Variants in SNX29 observed in about 807,000 individuals in gnomAD.
SNX29 encodes the protein sorting nexin-29.
Under a neutral mutation model 102.1 loss-of-function variants are expected in SNX29, and 78 were observed. The observed-to-expected ratio is 0.76, with a 90% CI of 0.64 to 0.92. The LOEUF is 0.92. Ranked by LOEUF, SNX29 falls within the 40% of genes least tolerant of loss-of-function variation. The pLI is 0.00. For synonymous variants in SNX29, 580 were observed against 414.5 expected, an observed-to-expected ratio of 1.40 and a Z score of -4.85; for missense variants, 1,280 against 1,061.7, an observed-to-expected ratio of 1.21 and a Z score of -2.86.
intron 14 of SNX29, among the ~76,000 whole-genome samples, chr16:12,230,639 G>C (rs1390380616): frequency 6.6e-6 from 1 of 152,228 alleles, no homozygotes; most frequent in Non-Finnish European, 1.5e-5. Context: ...CGAATGAGCA[G>C]ATGGTAGGCC....
At chr16:12,067,496 T>C (rs750975645) in intron 9 of SNX29, among the ~76,000 whole-genome samples, 1 of 152,162 alleles carries the variant, frequency 6.6e-6, no homozygotes, top group Non-Finnish European at 1.5e-5. Context: ...CTTTTTCTTT[T>C]TCTCTTTTTG....
At chr16:12,140,336 C>G (rs114996442) in intron 13 of SNX29, among the ~76,000 whole-genome samples, 2 of 152,194 alleles carry the variant, frequency 1.3e-5, no homozygotes, top group African/African-American at 4.8e-5. Context: ...TCCAGTAGCT[C>G]TGGAGAAGTC....
rs545232034 is a variant in SNX29, at chr16:12,559,951, C to T, written c.2319-8555C>T. ...TCGAGATTACATCACTGCACTCCAG[C>T]CTGGGCAACAGAGCAAGACTCCACC... On this transcript the variant is annotated intron_variant, in intron 20 of 20. Transcript: ENST00000566228. 7.9e-5 allele frequency among the ~76,000 whole-genome samples: 12 copies of T among 152,218 alleles called. No homozygotes were observed. The South Asian group carries it at 2.5e-3, about 32-fold the overall frequency.
At chr16:12,320,512 C>T (rs1396369790) in intron 15 of SNX29, among the ~76,000 whole-genome samples, 1 of 152,204 alleles carries the variant, frequency 6.6e-6, no homozygotes, top group Non-Finnish European at 1.5e-5. Flanking sequence ...AACCGTGACA[C>T]GTTACTGGTG....
intron 13 of SNX29, among the ~76,000 whole-genome samples, chr16:12,171,951 G>T (rs892885692): frequency 6.6e-6 from 1 of 152,146 alleles, no homozygotes; most frequent in Non-Finnish European, 1.5e-5. Context: ...AGCCTCACAG[G>T]ACATTGACGA....
chr16:12,536,865 A>G (rs937930277), intron 20 of SNX29, among the ~76,000 whole-genome samples: 2 of 152,170 alleles, frequency 1.3e-5, no homozygotes, highest in African/African-American at 2.4e-5. Context: ...AATTGTAGCT[A>G]CTTGGGAGGC....
chr16:12,422,510 C>G (rs780686465), intron 18 of SNX29, among the ~76,000 whole-genome samples: 2 of 152,248 alleles, frequency 1.3e-5, no homozygotes, highest in Non-Finnish European at 2.9e-5. Flanking sequence ...TTGTTTCCCT[C>G]TCAGCTTCTT....
At chr16:12,464,547 G>A (rs2086965325) in intron 18 of SNX29, among the ~76,000 whole-genome samples, 1 of 152,060 alleles carries the variant, frequency 6.6e-6, no homozygotes, top group Admixed American at 6.5e-5. Context: ...TCCACCTCCT[G>A]GGCTCAAGCG....
intron 19 of SNX29, among the ~76,000 whole-genome samples, chr16:12,513,668 T>C (rs557537068): frequency 6.6e-6 from 1 of 152,294 alleles, no homozygotes; most frequent in Admixed American, 6.5e-5. Context: ...TCATGAATAT[T>C]TGGGGCCAAG....
At chr16:12,297,690 C>G (rs1033994854) in intron 15 of SNX29, among the ~76,000 whole-genome samples, 1 of 152,194 alleles carries the variant, frequency 6.6e-6, no homozygotes, top group Non-Finnish European at 1.5e-5. Context: ...GATCATTTCT[C>G]TGTACATCTC....
chr16:12,535,573 C>G (rs746590033), intron 20 of SNX29, among the ~76,000 whole-genome samples: 2 of 152,288 alleles, frequency 1.3e-5, no homozygotes, highest in African/African-American at 2.4e-5. Flanking sequence ...GGAGTGTGAG[C>G]TGGGTATGCA....
intron 16 of SNX29, among the ~76,000 whole-genome samples, chr16:12,370,991 G>C (rs903656067): frequency 6.6e-6 from 1 of 152,236 alleles, no homozygotes; most frequent in African/African-American, 2.4e-5. Context: ...CTACACCCCA[G>C]TGTTCTTGGG....
At chr16:12,260,231 C>G (rs2078694290) in intron 14 of SNX29, among the ~76,000 whole-genome samples, 1 of 152,230 alleles carries the variant, frequency 6.6e-6, no homozygotes, top group East Asian at 1.9e-4. Context: ...GATGAGTCCT[C>G]TTCTGCTGGT....
intron 11 of SNX29, chr16:12,087,856 G>A (rs1439095035): frequency 1.8e-5 from 8 of 456,794 alleles, no homozygotes; most frequent in South Asian, 1.2e-4. Flanking sequence ...TGGCTGGGAA[G>A]CAGCAGTGTT....
intron 14 of SNX29, among the ~76,000 whole-genome samples, chr16:12,229,569 C>T (rs1332404018): frequency 6.6e-6 from 1 of 151,554 alleles, no homozygotes; most frequent in Non-Finnish European, 1.5e-5. Context: ...CATTTTTCAT[C>T]TTTTACAATT....
At chr16:12,332,752 A>T (rs1255802174) in intron 15 of SNX29, among the ~76,000 whole-genome samples, 1 of 151,930 alleles carries the variant, frequency 6.6e-6, no homozygotes, top group African/African-American at 2.4e-5. Flanking sequence ...GCACTTCCCC[A>T]TTCCTGCCCT....
At chr16:12,395,629 GC>G (rs952734842) in intron 16 of SNX29, among the ~76,000 whole-genome samples, 1 of 152,180 alleles carries the variant, frequency 6.6e-6, no homozygotes, top group African/African-American at 2.4e-5. Context: ...GTTGCTGATG[GC>G]TGGTTTGTGC....
intron 15 of SNX29, among the ~76,000 whole-genome samples, chr16:12,327,413 C>G (rs1399028932): frequency 6.6e-6 from 1 of 151,982 alleles, no homozygotes; most frequent in Non-Finnish European, 1.5e-5. Flanking sequence ...GGCTGGAAGG[C>G]TGAGATCAAG....
At chr16:12,171,768 C>A (rs965975494) in intron 13 of SNX29, among the ~76,000 whole-genome samples, 19 of 152,234 alleles carry the variant, frequency 1.2e-4, no homozygotes, top group African/African-American at 4.1e-4. Context: ...GTTCCTGTTT[C>A]ACTAATGATT....
Sources: gnomAD v4.1 joint callset for allele counts (sites outside exome capture counted in the v4.1 genomes callset) on GRCh38, gnomAD v4.1.1 for gene constraint, MANE v1.5 for transcripts, NCBI Gene and HGNC (gene_info 2026-07-23, HGNC 2026-07-21) for gene names.